CRB2: variants seen among roughly 807,000 people sequenced by gnomAD.
The protein encoded by CRB2 is protein crumbs homolog 2.
In CRB2, 85 loss-of-function variants were observed where a neutral mutation model predicts 110.9. The ratio of observed to expected loss-of-function variants is 0.77; its 90% CI spans 0.64 to 0.92. The LOEUF is 0.92. Among genes scored for constraint, CRB2 ranks in the 40% least tolerant of loss-of-function variants. The pLI is 0.00. For synonymous variants in CRB2, 907 were observed against 831.0 expected, an observed-to-expected ratio of 1.09 and a Z score of -1.57; for missense variants, 1,843 against 1,851.3, an observed-to-expected ratio of 1.00 and a Z score of 0.08.
chr9:123,366,245 G>A lies in CRB2; in HGVS notation c.633G>A (p.Ala211=), dbSNP rs759116444. Residue 211 remains alanine, a synonymous_variant, in exon 4 of 13, where the codon GCG becomes GCA. Coordinates refer to ENST00000373631, the MANE Select transcript of CRB2 (RefSeq NM_173689.7). ...DLVNGFRCDC[A]GTGYEGTHCE... is the part of the protein sequence containing the mutation. ...TCCCCAGGTTCCGGTGCGACTGCGC[G>A]GGCACCGGCTACGAGGGCACGCACT... The A allele has an allele frequency of 5.8e-5, 86 of 1,479,122 alleles. No individual in the cohort carries two copies. Among genetic ancestry groups the A allele is most frequent in the Non-Finnish European group, 7.4e-5 (83 of 1,125,316 alleles). The allele number at this position is 1,479,122 out of a possible 1,614,324, so 91.6% of individuals were successfully genotyped here. A position where few individuals can be genotyped will look rare whatever the true frequency, so the allele number is the denominator to read the frequency against.
chr9:123,363,642 A>G (rs1363060811), intron 2 of CRB2, among the ~76,000 whole-genome samples: 1 of 152,050 alleles, frequency 6.6e-6, no homozygotes, highest in East Asian at 1.9e-4. Context: ...CTGGAGTGCA[A>G]TGTGGACCCC....
rs2041957425 is a variant in CRB2, at chr9:123,367,659, C to T, written c.1027C>T (p.Gln343Ter). 2 of 1,565,730 alleles carry T rather than the reference C, an allele frequency of 1.3e-6. No homozygotes were observed. Among genetic ancestry groups the T allele is most frequent in the African/African-American group, 1.4e-5 (1 of 73,696 alleles). ...CTGCCAGGACCTGCCCAATGGCTTC[C>T]AGTGTCACTGCCCAGATGGCTACGC... The part of the protein sequence containing the change: ...GHCQDLPNGF[Q>*]CHCPDGYAGP... The change falls in exon 6 of 13, where the codon CAG becomes TAG. Residue 343 changes from glutamine (Q) to a stop codon, truncating the protein, a stop_gained. Coordinates refer to ENST00000373631, the MANE Select transcript of CRB2 (RefSeq NM_173689.7). LOFTEE classifies it high-confidence loss of function.
In CRB2 at chr9:123,366,309, G is replaced by A; in HGVS notation, c.697G>A (p.Glu233Lys). Residue 233 changes from glutamate to lysine, a missense_variant, in exon 4 of 13, where the codon GAG becomes AAG. Physicochemically the swap from Glu to Lys is moderately conservative, Grantham distance 56. Transcript: ENST00000373631. Reference protein sequence around the residue: ...EVLECASAPCEHNASCLEGLG... With the variant: ...EVLECASAPCKHNASCLEGLG... ...GCTGGAGTGCGCATCGGCGCCCTGC[G>A]AGCACAACGCGTCCTGCCTCGAGGG... 2.0e-6 allele frequency: 3 copies of A among 1,533,250 alleles called. No individual in the cohort carries two copies. Among genetic ancestry groups the A allele is most frequent in the Admixed American group, 2.0e-5 (1 of 48,808 alleles). The allele number at this position is 1,533,250 out of a possible 1,614,324, so 95.0% of individuals were successfully genotyped here.
Position 123,356,310 on chromosome 9 carries a change from T to G in CRB2, c.50T>G (p.Val17Gly), listed in dbSNP as rs1207627136. 1 of 1,547,322 alleles carries G rather than the reference T, an allele frequency of 6.5e-7. No homozygotes were observed. Among genetic ancestry groups the G allele is most frequent in the East Asian group, 2.5e-5 (1 of 40,780 alleles). Residue 17 changes from valine to glycine, a missense_variant, in exon 1 of 13, where the codon GTC (valine) becomes GGC (glycine). Transcript: ENST00000373631. ...CCGGACCCCCAGGCCCTGGCCTCTGTCCTGCTACTGCTGCTCTGGGCCCCT... is the reference window on the plus strand; with the variant it reads ...CCGGACCCCCAGGCCCTGGCCTCTGGCCTGCTACTGCTGCTCTGGGCCCCT... The part of the protein sequence containing the change: ...GTPDPQALAS[V>G]LLLLLWAPAL...
At chr9:123,370,068 C>G (rs747803718) in intron 6 of CRB2, 40 bp from the exon 7 acceptor site, 1 of 1,549,196 alleles carries the variant, frequency 6.5e-7, no homozygotes, top group East Asian at 2.3e-5. Flanking sequence ...GTGATTCTGG[C>G]CCCAGACATT....
intron 6 of CRB2, among the ~76,000 whole-genome samples, chr9:123,369,571 A>G (rs1160881610): frequency 1.3e-5 from 2 of 152,166 alleles, no homozygotes; most frequent in Non-Finnish European, 2.9e-5. Context: ...GCAAAGCCCC[A>G]GAGTCACGAC....
intron 9 of CRB2, 104 bp from the exon 10 acceptor site, chr9:123,373,030 C>T (rs2042038988): frequency 2.0e-6 from 2 of 995,428 alleles, no homozygotes; most frequent in African/African-American, 1.7e-5. Context: ...GCGTGTGCCC[C>T]ACCCCAAGTA....
Position 123,356,199 on chromosome 9 carries a change from G to C in CRB2, c.-62G>C. ...CTGGTTGGAGGGACGAGGGGGGTGCGGAGCCAGCCAGGCCGCCCTCCCGTT... is the reference window on the plus strand; with the variant it reads ...CTGGTTGGAGGGACGAGGGGGGTGCCGAGCCAGCCAGGCCGCCCTCCCGTT... On this transcript the variant is annotated 5_prime_UTR_variant, in exon 1 of 13. Coordinates refer to ENST00000373631, the MANE Select transcript of CRB2 (RefSeq NM_173689.7). 1.7e-6 allele frequency: 2 copies of C among 1,211,872 alleles called. No individual in the cohort carries two copies. Among genetic ancestry groups the C allele is most frequent in the Non-Finnish European group, 2.2e-6 (2 of 906,512 alleles). The allele number at this position is 1,211,872 out of a possible 1,614,324, so 75.1% of individuals were successfully genotyped here.
chr9:123,365,863 C>T (rs1485920210), intron 2 of CRB2, 54 bp from the exon 3 acceptor site: 2 of 1,490,890 alleles, frequency 1.3e-6, no homozygotes, highest in African/African-American at 1.4e-5. Flanking sequence ...GCGACCTCTT[C>T]CGCCCTGCTC....
chr9:123,370,571 C>A lies in CRB2; in HGVS notation c.1518C>A (p.Val506=). 1 of 1,613,452 alleles carries A rather than the reference C, an allele frequency of 6.2e-7. No individual in the cohort carries two copies. The highest frequency in any genetic ancestry group is 1.3e-5 in the African/African-American group (1 of 75,074). ...TLWSYSTTVL[V]LRLPDLALND... ...GGAGCTACAGCACCACTGTGCTTGT[C>A]CTGAGACTGCCGGACCTGGCCCTAA... The change falls in exon 7 of 13, where the codon GTC becomes GTA. Residue 506 remains valine (V), a synonymous_variant. Coordinates refer to ENST00000373631, the MANE Select transcript of CRB2 (RefSeq NM_173689.7).
rs1252966894 is a variant in CRB2 at position 123,367,289 on chromosome 9, C to A, written c.872C>A (p.Ala291Asp). 1 of 1,603,054 alleles carries A rather than the reference C, an allele frequency of 6.2e-7. No individual in the cohort carries two copies. The highest frequency in any genetic ancestry group is 8.5e-7 in the Non-Finnish European group (1 of 1,179,092). ...GCCCTCTACGGGGGTGTCCAGGCCG[C>A]CTTCCCTGGCGCCTTCAGCTTCCGC... Reference protein sequence around the residue: ...DPALYGGVQAAFPGAFSFRHA... With the variant: ...DPALYGGVQADFPGAFSFRHA... Residue 291 changes from alanine to aspartate, a missense_variant, in exon 5 of 13, where the codon GCC (alanine) becomes GAC (aspartate). Ala to Asp is a moderately radical substitution (Grantham distance 126, BLOSUM62 -2). Transcript: ENST00000373631.
chr9:123,370,258 G>A lies in CRB2; in HGVS notation c.1205G>A (p.Gly402Asp), dbSNP rs755838160. Reference protein sequence around the residue: ...DCSVQLTGCQGHTCPLAATCI... With the variant: ...DCSVQLTGCQDHTCPLAATCI... ...TCTGTGCAGCTCACTGGCTGCCAGG[G>A]CCACACCTGCCCGCTGGCTGCCACC... Residue 402 changes from glycine (G) to aspartate (D), a missense_variant, in exon 7 of 13, where the codon GGC becomes GAC. Coordinates refer to ENST00000373631, the MANE Select transcript of CRB2 (RefSeq NM_173689.7). The A allele has an allele frequency of 2.5e-6, 4 of 1,613,276 alleles. No individual in the cohort carries two copies. The South Asian group carries it at 4.4e-5, about 18-fold the overall frequency.
In CRB2 at chr9:123,377,313, G is replaced by A. The variant is rs967488578; in HGVS notation, c.*251G>A. 1.9e-4 allele frequency: 98 copies of A among 507,380 alleles called. No homozygotes were observed. Among genetic ancestry groups the A allele is most frequent in the African/African-American group, 1.4e-3 (75 of 52,364 alleles). 31.4% of individuals were successfully genotyped at this position (507,380 alleles called of 1,614,324 possible). On this transcript the variant is annotated 3_prime_UTR_variant, in exon 13 of 13. Transcript: ENST00000373631. ...CGCCTTGGCAGGTGTACGGCTGTGC[G>A]TGGGAGGGCACACGTGGGTTCACAG...
In CRB2 at chr9:123,372,332, TG is replaced by T; in HGVS notation, c.2594del (p.Gly865AlafsTer276). 2 of 1,596,970 alleles carry T rather than the reference TG, an allele frequency of 1.3e-6. No homozygotes were observed. Among genetic ancestry groups the T allele is most frequent in the Non-Finnish European group, 1.7e-6 (2 of 1,171,160 alleles). ...CTGCCACGTGTGAGGAGGTCCCTGA[TG>T]GCTTTGTGTGTGAGTGTGTGTCCTG... Reference protein sequence around the residue: ...PPATCEEVPDGFVCVAEATFR... With the variant: ...PPATCEEVPDXFVCVAEATFR... On this transcript the variant is annotated frameshift_variant, in exon 9 of 13. Transcript: ENST00000373631. LOFTEE classifies it high-confidence loss of function.
chr9:123,367,822 G>A (rs1001867062), intron 6 of CRB2, 136 bp downstream of exon 6: 35 of 638,284 alleles, frequency 5.5e-5, no homozygotes, highest in Middle Eastern at 3.7e-4. Flanking sequence ...CCAGGTGACC[G>A]CTGAGGGTGG....
chr9:123,361,945 G>T (rs939914811), intron 1 of CRB2, among the ~76,000 whole-genome samples: 1 of 152,324 alleles, frequency 6.6e-6, no homozygotes, highest in Admixed American at 6.5e-5. Context: ...ATCTCTGGGC[G>T]TGGCTTCCAA....
intron 1 of CRB2, among the ~76,000 whole-genome samples, chr9:123,358,338 C>T (rs112298749): frequency 3.9e-5 from 6 of 152,292 alleles, no homozygotes; most frequent in African/African-American, 1.4e-4. Context: ...CAATGGGGCA[C>T]GTTGGGCTCT....
At chr9:123,361,701 G>T (rs2041870819) in intron 1 of CRB2, among the ~76,000 whole-genome samples, 1 of 152,202 alleles carries the variant, frequency 6.6e-6, no homozygotes, top group Non-Finnish European at 1.5e-5. Context: ...CTTGACTGCG[G>T]TGCTGGGGAG....
intron 1 of CRB2, among the ~76,000 whole-genome samples, chr9:123,359,932 G>C (rs942367488): frequency 4.6e-5 from 7 of 151,050 alleles, no homozygotes; most frequent in African/African-American, 1.7e-4. Context: ...GTATTCCTGT[G>C]AAAACCTTTA....
Sources: gnomAD v4.1 joint callset for allele counts (sites outside exome capture counted in the v4.1 genomes callset) on GRCh38, gnomAD v4.1.1 for gene constraint, MANE v1.5 for transcripts, NCBI Gene and HGNC (gene_info 2026-07-23, HGNC 2026-07-21) for gene names.